CACFD1: variants seen among roughly 807,000 people sequenced by gnomAD.
CACFD1 encodes the protein calcium channel flower homolog.
A neutral mutation model predicts 21.3 loss-of-function variants in CACFD1; 26 were observed. That is an observed-to-expected ratio of 1.22 (90% CI 0.89 to 1.69). The LOEUF is 1.69. CACFD1 is among the 40% of genes most tolerant of loss of function. The pLI is 0.00. For missense variants in CACFD1, 265 were observed against 236.2 expected (o/e 1.12, Z -0.80); for synonymous variants, 121 against 106.6 (o/e 1.13, Z -0.83).
Position 133,467,927 on chromosome 9 carries a change from G to A in CACFD1, c.327G>A (p.Ala109=), listed in dbSNP as rs140344029. The part of the protein sequence containing the change: ...WQKAVFYCGM[A]VVPIVISLTL... ...ACCTCTGCTTTCCCCCCAGGATGGC[G>A]GTCGTTCCCATCGTCATCAGCCTGA... Residue 109 remains alanine, a synonymous_variant, in exon 4 of 5, where the codon GCG becomes GCA. Transcript: ENST00000316948. 126 of 1,612,152 alleles carry A rather than the reference G, an allele frequency of 7.8e-5. No homozygotes were observed. The African/African-American group carries it at 1.1e-3, about 15-fold the overall frequency.
chr9:133,464,135 G>A (rs1843333607), intron 2 of CACFD1, among the ~76,000 whole-genome samples: 3 of 152,254 alleles, frequency 2.0e-5, no homozygotes, highest in Admixed American at 2.0e-4. Context: ...AAGGCGGGGT[G>A]AGGGCAGGCC....
chr9:133,459,988 C>G lies in CACFD1; in HGVS notation c.-79C>G, dbSNP rs1219894312. 4.8e-6 allele frequency: 7 copies of G among 1,445,414 alleles called. No individual in the cohort carries two copies. The highest frequency in any genetic ancestry group is 6.4e-6 in the Non-Finnish European group (7 of 1,100,524). The allele number at this position is 1,445,414 out of a possible 1,614,324, so 89.5% of individuals were successfully genotyped here. A position where few individuals can be genotyped will look rare whatever the true frequency, so the allele number is the denominator to read the frequency against. On this transcript the variant is annotated 5_prime_UTR_variant, in exon 1 of 5. Coordinates refer to ENST00000316948, the MANE Select transcript of CACFD1 (RefSeq NM_017586.5). ...CTATGCTAATATGCTCCCTCTCCCACAAGGCAGCGCGCCGGCTCGGACGCG... is the reference window on the plus strand; with the variant it reads ...CTATGCTAATATGCTCCCTCTCCCAGAAGGCAGCGCGCCGGCTCGGACGCG...
intron 3 of CACFD1, among the ~76,000 whole-genome samples, chr9:133,466,653 T>C (rs587696287): frequency 6.6e-6 from 1 of 152,270 alleles, no homozygotes; most frequent in South Asian, 2.1e-4. Context: ...AATTACTGGG[T>C]CAAAGATTCT....
In CACFD1 at chr9:133,465,604, C is replaced by T. The variant is rs1332703304; in HGVS notation, c.320+157C>T. 9.1e-6 allele frequency: 7 copies of T among 771,838 alleles called. No individual in the cohort carries two copies. The highest frequency in any genetic ancestry group is 3.4e-4 in the Middle Eastern group (1 of 2,956). The allele number at this position is 771,838 out of a possible 1,614,324, so 47.8% of individuals were successfully genotyped here. ...TTTGTGCACAGTGATTTGCTCATAG[C>T]TGCCAAAACGTGCCCCAGTGGTTCT... On this transcript the variant is annotated intron_variant, in intron 3 of 4. Transcript: ENST00000316948. This position sits in a 1 kb window ranked among gnomAD's most constrained non-coding sequence, Gnocchi z 5.0.
chr9:133,463,472 C>G lies in CACFD1; in HGVS notation c.122-11C>G, dbSNP rs781820855. The G allele has an allele frequency of 4.3e-6, 7 of 1,613,934 alleles. No homozygotes were observed. The highest frequency in any genetic ancestry group is 5.9e-6 in the Non-Finnish European group (7 of 1,180,020). Reference sequence around the variant, plus strand: ...TCCCTGCTGACTCCTGCCCGTGTCTCTTGTTTCAAGCTTGCGCGATCTCTG... The same window carrying G: ...TCCCTGCTGACTCCTGCCCGTGTCTGTTGTTTCAAGCTTGCGCGATCTCTG... On this transcript the variant is annotated splice_polypyrimidine_tract_variant and intron_variant, in intron 1 of 4. Transcript: ENST00000316948.
At chr9:133,463,350 T>G in intron 1 of CACFD1, 133 bp from the exon 2 acceptor site, 1 of 1,534,646 alleles carries the variant, frequency 6.5e-7, no homozygotes, top group Non-Finnish European at 8.8e-7. Flanking sequence ...AGGGCAGGCT[T>G]CTGGGTGCTG....
chr9:133,460,458 C>G (rs1158658436), intron 1 of CACFD1, among the ~76,000 whole-genome samples: 1 of 35,700 alleles, frequency 2.8e-5, no homozygotes, highest in Non-Finnish European at 9.0e-5. Context: ...CCAGAAACCC[C>G]AGGGCGGGGG....
rs1554799305 is a variant in CACFD1 at position 133,465,281 on chromosome 9, G to T, written c.195-41G>T. On this transcript the variant is annotated intron_variant, in intron 2 of 4. Coordinates refer to ENST00000316948, the MANE Select transcript of CACFD1 (RefSeq NM_017586.5). The surrounding 1 kb of genome is among the most constrained non-coding windows in gnomAD (Gnocchi z 5.0). ...CTGGGGGCCGCCCTCATCCTCCTGGGATTGTCAGTCGCTGCTCTTCTCCTG... is the reference window on the plus strand; with the variant it reads ...CTGGGGGCCGCCCTCATCCTCCTGGTATTGTCAGTCGCTGCTCTTCTCCTG... 6.2e-7 allele frequency: 1 copy of T among 1,611,818 alleles called. No homozygotes were observed. Among genetic ancestry groups the T allele is most frequent in the Admixed American group, 1.7e-5 (1 of 60,010 alleles).
At chr9:133,467,447 C>T (rs936870293) in intron 3 of CACFD1, among the ~76,000 whole-genome samples, 1 of 152,236 alleles carries the variant, frequency 6.6e-6, no homozygotes, top group Non-Finnish European at 1.5e-5. Flanking sequence ...GCTGGTGTTA[C>T]TCTATAACTC....
Position 133,470,078 on chromosome 9 carries a change from G to T in CACFD1, c.*1425G>T, listed in dbSNP as rs1554800711. 6.5e-6 allele frequency: 1 copy of T among 152,760 alleles called. No individual in the cohort carries two copies. Among genetic ancestry groups the T allele is most frequent in the Non-Finnish European group, 1.5e-5 (1 of 68,152 alleles). 9.5% of individuals were successfully genotyped at this position (152,760 alleles called of 1,614,324 possible). Reference sequence around the variant, plus strand: ...TGGGTCAGCAGCATCCCACCCCTGGGAGTCTGGCCAGCTGAGCCCCAGGGT... The same window carrying T: ...TGGGTCAGCAGCATCCCACCCCTGGTAGTCTGGCCAGCTGAGCCCCAGGGT... On this transcript the variant is annotated 3_prime_UTR_variant, in exon 5 of 5. Coordinates refer to ENST00000316948, the MANE Select transcript of CACFD1 (RefSeq NM_017586.5).
intron 1 of CACFD1, chr9:133,462,051 A>G (rs781948629): frequency 2.1e-4 from 275 of 1,290,104 alleles, no homozygotes; most frequent in Non-Finnish European, 2.7e-4. Context: ...GAGGCCCCCA[A>G]GTGGACATCC....
rs781840623 is a variant in CACFD1, at chr9:133,468,640, A to AG, written c.511dup (p.Glu171GlyfsTer55). 1.0e-5 allele frequency: 16 copies of AG among 1,578,388 alleles called. No individual in the cohort carries two copies. In the African/African-American group the frequency reaches 2.0e-4, roughly 20 times the overall value. ...GAGGAGAAGCTCGCGGAGACCCTGG[A>AG]GGGGGAGCTGTGAAGGGCTGGGCGC... On this transcript the variant is annotated frameshift_variant, in exon 5 of 5. Transcript: ENST00000316948. LOFTEE classifies it high-confidence loss of function.
rs1013959267 is a variant in CACFD1, at chr9:133,468,033, G to A, written c.428+5G>A. 8 of 1,610,464 alleles carry A rather than the reference G, an allele frequency of 5.0e-6. No individual in the cohort carries two copies. The highest frequency in any genetic ancestry group is 2.7e-5 in the African/African-American group (2 of 74,844). ...ACTCTCTGCTCTGGGCAAAAAGTGC[G>A]TCTGCCAGGCCCAGCCCCTGGGCAG... is the stretch of plus-strand genomic sequence containing the variant. On this transcript the variant is annotated splice_donor_5th_base_variant and intron_variant, in intron 4 of 4. Coordinates refer to ENST00000316948, the MANE Select transcript of CACFD1 (RefSeq NM_017586.5).
At chr9:133,467,855 G>A in intron 3 of CACFD1, 66 bp from the exon 4 acceptor site, 1 of 1,194,198 alleles carries the variant, frequency 8.4e-7, no homozygotes. Flanking sequence ...GCCGAGTCTG[G>A]GAAGCGGGGA....
chr9:133,460,414 T>TG (rs1843108776), intron 1 of CACFD1, among the ~76,000 whole-genome samples: 1 of 90,998 alleles, frequency 1.1e-5, no homozygotes, highest in African/African-American at 3.1e-5. Flanking sequence ...CGGGCTGGGC[T>TG]GGGCTGGCGC....
chr9:133,460,293 G>C (rs1176651327), intron 1 of CACFD1, 106 bp downstream of exon 1: 4 of 1,061,816 alleles, frequency 3.8e-6, no homozygotes, highest in Admixed American at 4.3e-5. Context: ...ACCCGCTGGG[G>C]GTCGGGGGTC....
chr9:133,468,559 C>CATAG lies in CACFD1; in HGVS notation c.429-4_429-3insATAG. 6.3e-7 allele frequency: 1 copy of CATAG among 1,574,968 alleles called. No homozygotes were observed. The highest frequency in any genetic ancestry group is 8.6e-7 in the Non-Finnish European group (1 of 1,162,158). ...CACGTGACGCTGCCTCTCTCTCTCC[C>CATAG]CAGGGGCGATGCGATCTCCTATGCC... On this transcript the variant is annotated splice_polypyrimidine_tract_variant and splice_region_variant and intron_variant, in intron 4 of 4. Coordinates refer to ENST00000316948, the MANE Select transcript of CACFD1 (RefSeq NM_017586.5).
intron 4 of CACFD1, 135 bp from the exon 5 acceptor site, chr9:133,468,428 C>G: frequency 6.5e-7 from 1 of 1,536,202 alleles, no homozygotes; most frequent in African/African-American, 1.4e-5. Context: ...CTTTGCCACC[C>G]CAGCAGTTGT....
Position 133,465,581 on chromosome 9 carries a change from T to C in CACFD1, c.320+134T>C, listed in dbSNP as rs1055286313. 5.3e-6 allele frequency: 5 copies of C among 937,954 alleles called. No individual in the cohort carries two copies. The highest frequency in any genetic ancestry group is 6.4e-6 in the Non-Finnish European group (4 of 628,434). The allele number at this position is 937,954 out of a possible 1,614,324, so 58.1% of individuals were successfully genotyped here. A position where few individuals can be genotyped will look rare whatever the true frequency, so the allele number is the denominator to read the frequency against. The stretch of plus-strand genomic sequence containing the variant: ...TGGAAGTGTAAACTGGGATTGCCTT[T>C]GTGCACAGTGATTTGCTCATAGCTG... On this transcript the variant is annotated intron_variant, in intron 3 of 4. Transcript: ENST00000316948. The surrounding 1 kb of genome is among the most constrained non-coding windows in gnomAD (Gnocchi z 5.0).
Sources: allele counts gnomAD v4.1 joint callset (sites outside exome capture counted in the v4.1 genomes callset), GRCh38; gene constraint gnomAD v4.1.1; non-coding constraint Gnocchi (gnomAD v3.1); transcripts MANE v1.5; gene names NCBI Gene and HGNC (gene_info 2026-07-23, HGNC 2026-07-21).